Variants in NAA16 observed in about 807,000 individuals in gnomAD.
NAA16 encodes NARG1-like protein.
Under a neutral mutation model 110.3 loss-of-function variants are expected in NAA16, and 97 were observed. That is an observed-to-expected ratio of 0.88 (90% CI 0.75 to 1.04). The LOEUF (loss-of-function observed/expected upper bound fraction) is 1.04. Among genes scored for constraint, NAA16 ranks in the 50% least tolerant of loss-of-function variants. NAA16 has a pLI of 0.00. For synonymous variants in NAA16, 372 were observed against 330.6 expected (o/e 1.13, Z -1.36); for missense variants, 1,017 against 1,005.1 (o/e 1.01, Z -0.16).
chr13:41,333,788 C>CTCA (rs2042304356), intron 8 of NAA16, among the ~76,000 whole-genome samples: 1 of 151,596 alleles, frequency 6.6e-6, no homozygotes, highest in South Asian at 2.1e-4. Flanking sequence ...ACTAAAAGCC[C>CTCA]TCAATATGTG....
At chr13:41,315,353 G>A (rs2041779660) in intron 1 of NAA16, among the ~76,000 whole-genome samples, 1 of 152,162 alleles carries the variant, frequency 6.6e-6, no homozygotes, top group African/African-American at 2.4e-5. Context: ...AGGGAAGAGT[G>A]GAAAGCAATG....
Position 41,369,142 on chromosome 13 carries a change from T to C in NAA16, c.1806T>C (p.Ala602=), listed in dbSNP as rs371557930. 6.3e-7 allele frequency: 1 copy of C among 1,583,620 alleles called. No homozygotes were observed. The highest frequency in any genetic ancestry group is 1.4e-5 in the African/African-American group (1 of 72,286). ...LKKMLSKQRR[A]QKKAKLEEER... Reference sequence around the variant, plus strand: ...AAATGCTTAGCAAGCAGAGAAGAGCTCAGAAAAAGGCTAAACTAGAAGAAG... The same window carrying C: ...AAATGCTTAGCAAGCAGAGAAGAGCCCAGAAAAAGGCTAAACTAGAAGAAG... The change falls in exon 15 of 20, where the codon GCT becomes GCC. Residue 602 remains alanine (A), a synonymous_variant. Transcript: ENST00000379406.
intron 9 of NAA16, among the ~76,000 whole-genome samples, chr13:41,338,483 T>C (rs1937039995): frequency 1.3e-5 from 2 of 152,178 alleles, no homozygotes; most frequent in South Asian, 4.1e-4. Context: ...ACCATCTCTT[T>C]AGTGTTAATT....
At chr13:41,363,027 T>TA (rs1352969830) in intron 13 of NAA16, among the ~76,000 whole-genome samples, 1 of 152,204 alleles carries the variant, frequency 6.6e-6, no homozygotes, top group Non-Finnish European at 1.5e-5. Flanking sequence ...AATAACCTAA[T>TA]TTTTGCTCTG....
chr13:41,355,217 G>T lies in NAA16; in HGVS notation c.1087+1G>T, dbSNP rs1171714258. ...ACGTGTGACTTTTTTAGCCCATATG[G>T]TAAGTTTAAATTAGATTGAATTGGA... On this transcript the variant is annotated splice_donor_variant, in intron 10 of 19. Transcript: ENST00000379406. LOFTEE classifies it high-confidence loss of function. 6.4e-7 allele frequency: 1 copy of T among 1,554,576 alleles called. No homozygotes were observed. Among genetic ancestry groups the T allele is most frequent in the Non-Finnish European group, 8.8e-7 (1 of 1,139,462 alleles).
chr13:41,324,285 T>A (rs2042026209), intron 5 of NAA16, among the ~76,000 whole-genome samples: 2 of 151,858 alleles, frequency 1.3e-5, no homozygotes, highest in Non-Finnish European at 2.9e-5. Context: ...TTTGGTGGAC[T>A]TGATAAAAAA....
At chr13:41,369,640 T>A (rs2043277656) in intron 15 of NAA16, among the ~76,000 whole-genome samples, 1 of 152,144 alleles carries the variant, frequency 6.6e-6, no homozygotes, top group African/African-American at 2.4e-5. Context: ...GTCCATGTGG[T>A]CCTAATATCG....
chr13:41,356,675 G>A (rs1238597792), intron 10 of NAA16, among the ~76,000 whole-genome samples: 4 of 152,300 alleles, frequency 2.6e-5, no homozygotes, highest in Admixed American at 6.5e-5. Context: ...ATCTCCATAA[G>A]TTGATGGTTA....
At chr13:41,319,646 A>G (rs1183147967) in intron 3 of NAA16, among the ~76,000 whole-genome samples, 1 of 152,104 alleles carries the variant, frequency 6.6e-6, no homozygotes, top group Non-Finnish European at 1.5e-5. Context: ...CCTCCCAGGT[A>G]GCTGGGACTA....
At chr13:41,318,289 T>C (rs1218958761) in intron 2 of NAA16, among the ~76,000 whole-genome samples, 1 of 151,844 alleles carries the variant, frequency 6.6e-6, no homozygotes, top group Non-Finnish European at 1.5e-5. Context: ...CACTGCAACC[T>C]CTGCCTCCTG....
At chr13:41,359,082 A>G in intron 12 of NAA16, 120 bp downstream of exon 12, 2 of 807,258 alleles carry the variant, frequency 2.5e-6, no homozygotes, top group East Asian at 2.8e-5. Context: ...CATTTTTATT[A>G]TTGTTTTTTA....
chr13:41,322,130 C>G (rs2041961867), intron 4 of NAA16, among the ~76,000 whole-genome samples: 1 of 152,116 alleles, frequency 6.6e-6, no homozygotes, highest in Admixed American at 6.6e-5. Flanking sequence ...GTGTCTTAGT[C>G]CTGGCTACTT....
In NAA16 at chr13:41,344,441, G is replaced by A. The variant is rs2042631414; in HGVS notation, c.1014+7685G>A. Among the ~76,000 whole-genome samples, 3 of 152,210 alleles carry A rather than the reference G, an allele frequency of 2.0e-5. No individual in the cohort carries two copies. In the East Asian group the frequency reaches 5.8e-4, roughly 29 times the overall value. The stretch of plus-strand genomic sequence containing the variant: ...TACTTCTTAATGAGGGTGTTGGGGA[G>A]TGGATTTTTTCCCCTTGGGACATTT... On this transcript the variant is annotated intron_variant, in intron 9 of 19. Transcript: ENST00000379406.
chr13:41,364,736 C>CT (rs1278548667), intron 13 of NAA16, among the ~76,000 whole-genome samples: 3 of 152,144 alleles, frequency 2.0e-5, no homozygotes, highest in Non-Finnish European at 4.4e-5. Flanking sequence ...AAGATCATAA[C>CT]TTTATCTTCT....
At chr13:41,347,886 A>C (rs1240429440) in intron 9 of NAA16, among the ~76,000 whole-genome samples, 1 of 152,176 alleles carries the variant, frequency 6.6e-6, no homozygotes, top group Non-Finnish European at 1.5e-5. Context: ...ATTGACTGGA[A>C]GTGGTGAGAG....
rs116270686 is a variant in NAA16 at position 41,374,798 on chromosome 13, G to C, written c.2356G>C (p.Ala786Pro). 166 of 1,612,702 alleles carry C rather than the reference G, an allele frequency of 1.0e-4. No homozygotes were observed. In the African/African-American group the frequency reaches 1.9e-3, roughly 18 times the overall value. ...KSRQEKAIAIATRLDETIKDK... is the reference protein window; with the variant it reads ...KSRQEKAIAIPTRLDETIKDK... The stretch of plus-strand genomic sequence containing the variant: ...AAGGCAGGAGAAAGCAATTGCTATA[G>C]CCACTAGACTAGATGAAACTATAAA... The change falls in exon 19 of 20, where the codon GCC becomes CCC. Residue 786 changes from alanine to proline, a missense_variant. By Grantham distance (27) the Ala-to-Pro change is conservative. Coordinates refer to ENST00000379406, the MANE Select transcript of NAA16 (RefSeq NM_024561.5).
intron 1 of NAA16, 134 bp downstream of exon 1, chr13:41,311,716 T>TCGCGGGACCCCACTTTCCCG: frequency 1.3e-6 from 1 of 776,936 alleles, no homozygotes; most frequent in South Asian, 1.7e-5. Context: ...ACCTCGGAGG[T>TCGCGGGACCCCACTTTCCCG]CGCGGGACCC....
At chr13:41,369,033 G>C in intron 14 of NAA16, 57 bp from the exon 15 acceptor site, 11 of 1,444,116 alleles carry the variant, frequency 7.6e-6, no homozygotes, top group Non-Finnish European at 1.0e-5. Context: ...TATTACAGAA[G>C]AATATGAAGA....
intron 15 of NAA16, among the ~76,000 whole-genome samples, chr13:41,371,418 A>G (rs1286461547): frequency 1.3e-5 from 2 of 152,282 alleles, no homozygotes; most frequent in East Asian, 3.9e-4. Flanking sequence ...ATAAAGTTAG[A>G]TGGAATGTGC....
Sources: gnomAD v4.1 joint callset for allele counts (sites outside exome capture counted in the v4.1 genomes callset) on GRCh38, gnomAD v4.1.1 for gene constraint, MANE v1.5 for transcripts, NCBI Gene and HGNC (gene_info 2026-07-23, HGNC 2026-07-21) for gene names.